Variants in SEPTIN5 observed in about 807,000 individuals in gnomAD.
SEPTIN5 encodes the protein septin-5.
Under a neutral mutation model 51.2 loss-of-function variants are expected in SEPTIN5, and 16 were observed. The observed-to-expected ratio is 0.31, with a 90% CI of 0.21 to 0.47. SEPTIN5 has a LOEUF of 0.47. Ranked by LOEUF, SEPTIN5 falls within the 20% of genes least tolerant of loss-of-function variation. SEPTIN5 has a pLI of 0.99. For missense variants in SEPTIN5, 376 were observed against 500.3 expected (o/e 0.75, Z 2.37); for synonymous variants, 208 against 191.2 (o/e 1.09, Z -0.72).
intron 2 of SEPTIN5, among the ~76,000 whole-genome samples, chr22:19,716,997 C>G (rs974655721): frequency 6.6e-6 from 1 of 152,192 alleles, no homozygotes; most frequent in African/African-American, 2.4e-5. Context: ...GAGGGATGCA[C>G]TGGTAGAGCT....
chr22:19,716,547 G>T (rs986475918), intron 2 of SEPTIN5, among the ~76,000 whole-genome samples: 1 of 152,234 alleles, frequency 6.6e-6, no homozygotes, highest in African/African-American at 2.4e-5. Context: ...GAAGCCCTGG[G>T]AGTATCTTTT....
chr22:19,718,889 G>C (rs1026352818), intron 2 of SEPTIN5: 2 of 1,220,472 alleles, frequency 1.6e-6, no homozygotes, highest in African/African-American at 1.6e-5. Context: ...TGGGGTCCCC[G>C]TCCCCGCGCG....
chr22:19,719,793 T>A lies in SEPTIN5; in HGVS notation c.152-13T>A. ...CAGACCTAACGCAGCTCCTTCTCTG[T>A]ACCTGTGTGCAGGTGAGTCAGGCCT... On this transcript the variant is annotated splice_polypyrimidine_tract_variant and intron_variant, in intron 3 of 11. Coordinates refer to ENST00000455784, the MANE Select transcript of SEPTIN5 (RefSeq NM_002688.6). 6.2e-7 allele frequency: 1 copy of A among 1,612,582 alleles called. No homozygotes were observed. The highest frequency in any genetic ancestry group is 8.5e-7 in the Non-Finnish European group (1 of 1,179,606).
In SEPTIN5 at chr22:19,719,869, A is replaced by T; in HGVS notation, c.215A>T (p.Asp72Val). The T allele has an allele frequency of 6.2e-7, 1 of 1,612,974 alleles. No homozygotes were observed. The highest frequency in any genetic ancestry group is 8.5e-7 in the Non-Finnish European group (1 of 1,179,926). Reference protein sequence around the residue: ...HSLFLTDLYKDRKLLSAEERI... With the variant: ...HSLFLTDLYKVRKLLSAEERI... ...CTCTTCCTGACAGACTTGTACAAGG[A>T]CCGGAAGCTGCTCAGTGCTGAGGGT... is the stretch of plus-strand genomic sequence containing the variant. Residue 72 changes from aspartate (D) to valine (V), a missense_variant, in exon 4 of 12, where the codon GAC (aspartate) becomes GTC (valine). Transcript: ENST00000455784.
In SEPTIN5 at chr22:19,722,345, T is replaced by TGGGGAGGCG; in HGVS notation, c.1053+10_1053+11insAGGCGGGGG. On this transcript the variant is annotated splice_region_variant and intron_variant, in intron 11 of 11. Transcript: ENST00000455784. Reference sequence around the variant, plus strand: ...TCAGGATGAAGGATGAGGAAGTATGTGGGGCGGCGGGGGCGGCGGAGGCGG... The same window carrying TGGGGAGGCG: ...TCAGGATGAAGGATGAGGAAGTATGTGGGGAGGCGGGGGCGGCGGGGGCGGCGGAGGCGG... 1 of 1,607,092 alleles carries TGGGGAGGCG rather than the reference T, an allele frequency of 6.2e-7. No individual in the cohort carries two copies. The highest frequency in any genetic ancestry group is 8.5e-7 in the Non-Finnish European group (1 of 1,177,172).
chr22:19,721,573 C>T lies in SEPTIN5; in HGVS notation c.718-67C>T, dbSNP rs539378693. 179 of 1,547,940 alleles carry T rather than the reference C, an allele frequency of 1.2e-4. 5 individuals carry two copies. In the Admixed American group the frequency reaches 3.0e-3, roughly 26 times the overall value. On this transcript the variant is annotated intron_variant, in intron 8 of 11. Coordinates refer to ENST00000455784, the MANE Select transcript of SEPTIN5 (RefSeq NM_002688.6). ...GAGGGGTGCCCCGGGAGTTACATGCCCGTTTCCCATCAGTAACCGTGCAAT... is the reference window on the plus strand; with the variant it reads ...GAGGGGTGCCCCGGGAGTTACATGCTCGTTTCCCATCAGTAACCGTGCAAT...
intron 2 of SEPTIN5, chr22:19,717,257 C>T (rs771194015): frequency 2.1e-6 from 1 of 469,546 alleles, no homozygotes; most frequent in Middle Eastern, 3.3e-4. Flanking sequence ...CCAGTCCTAC[C>T]CTGGAACCTT....
intron 2 of SEPTIN5, 91 bp from the exon 3 acceptor site, chr22:19,719,511 G>A: frequency 9.6e-7 from 1 of 1,038,580 alleles, no homozygotes; most frequent in Non-Finnish European, 1.4e-6. Flanking sequence ...CGTACCCTCT[G>A]CTGTCTCCTC....
chr22:19,719,269 G>A (rs1050228104), intron 2 of SEPTIN5, among the ~76,000 whole-genome samples: 1 of 152,182 alleles, frequency 6.6e-6, no homozygotes, highest in African/African-American at 2.4e-5. Flanking sequence ...GTGTGTCCCA[G>A]GGGTCCCAAT....
intron 2 of SEPTIN5, chr22:19,719,362 C>G: frequency 3.9e-6 from 2 of 518,924 alleles, no homozygotes; most frequent in Non-Finnish European, 3.5e-6. Flanking sequence ...AATACAGTGT[C>G]GGTCCCTGCA....
Position 19,722,750 on chromosome 22 carries a change from C to G in SEPTIN5, c.*266C>G. On this transcript the variant is annotated 3_prime_UTR_variant, in exon 12 of 12. Coordinates refer to ENST00000455784, the MANE Select transcript of SEPTIN5 (RefSeq NM_002688.6). The stretch of plus-strand genomic sequence containing the variant: ...TCCGCCTCCCTTGCCCTTCCCCCGC[C>G]CCCGGACGGTCACAGCACCCAAACC... The G allele has an allele frequency of 3.6e-6, 2 of 553,740 alleles. No individual in the cohort carries two copies. The highest frequency in any genetic ancestry group is 3.1e-5 in the East Asian group (1 of 32,698). The allele number at this position is 553,740 out of a possible 1,614,324, so 34.3% of individuals were successfully genotyped here. A position where few individuals can be genotyped will look rare whatever the true frequency, so the allele number is the denominator to read the frequency against.
At position 19,722,359 on chromosome 22, in the gene SEPTIN5, C is replaced by T. The variant is rs1292267917; in HGVS notation, c.1053+20C>T. On this transcript the variant is annotated intron_variant, in intron 11 of 11. Transcript: ENST00000455784. ...GAGGAAGTATGTGGGGCGGCGGGGGCGGCGGAGGCGGGCGTCAGGGATGCT... is the reference window on the plus strand; with the variant it reads ...GAGGAAGTATGTGGGGCGGCGGGGGTGGCGGAGGCGGGCGTCAGGGATGCT... 3.1e-6 allele frequency: 5 copies of T among 1,598,866 alleles called. No homozygotes were observed. The highest frequency in any genetic ancestry group is 1.7e-5 in the Admixed American group (1 of 58,424).
rs1253845004 is a variant in SEPTIN5 at position 19,720,381 on chromosome 22, G to A, written c.424G>A (p.Gly142Ser). 9.3e-6 allele frequency: 15 copies of A among 1,613,848 alleles called. No homozygotes were observed. The highest frequency in any genetic ancestry group is 1.7e-5 in the Admixed American group (1 of 59,994). The change falls in exon 6 of 12, where the codon GGC becomes AGC. Residue 142 changes from glycine (G) to serine (S), a missense_variant. Gly to Ser is a moderately conservative substitution (Grantham distance 56, BLOSUM62 0). Around this residue, in one of 2 missense-constraint regions of SEPTIN5, gnomAD observed 287 missense variants for 417.1 expected, o/e 0.69. Transcript: ENST00000455784. ...QFEQYFRDES[G>S]LNRKNIQDNR... ...TGAGCAGTACTTCCGTGATGAGAGC[G>A]GCCTCAACCGAAAGAACATCCAAGA...
At chr22:19,722,387 T>G (rs776620669) in intron 11 of SEPTIN5, 41 bp from the exon 12 acceptor site, 4 of 1,592,040 alleles carry the variant, frequency 2.5e-6, no homozygotes, top group East Asian at 2.3e-5. Flanking sequence ...GGGATGCTCC[T>G]CCGCGGTGCT....
intron 4 of SEPTIN5, 110 bp downstream of exon 4, chr22:19,720,002 G>C: frequency 1.4e-5 from 22 of 1,600,612 alleles, no homozygotes; most frequent in Non-Finnish European, 1.9e-5. Flanking sequence ...TCGCGGTGTG[G>C]GTCCCCTGGG....
At chr22:19,721,597 A>C in intron 8 of SEPTIN5, 43 bp from the exon 9 acceptor site, 1 of 1,606,364 alleles carries the variant, frequency 6.2e-7, no homozygotes, top group South Asian at 1.1e-5. Context: ...TAACCGTGCA[A>C]TTACGCTCAC....
intron 2 of SEPTIN5, chr22:19,718,346 T>G (rs1601239477): frequency 3.1e-6 from 3 of 967,588 alleles, no homozygotes; most frequent in Non-Finnish European, 3.7e-6. Context: ...CGCTTTCGGG[T>G]GGCTCCGCCC....
intron 2 of SEPTIN5, chr22:19,718,777 C>T: frequency 8.1e-7 from 1 of 1,236,782 alleles, no homozygotes; most frequent in Non-Finnish European, 1.0e-6. Flanking sequence ...CCTGGTGGAG[C>T]AGCTGCTGTC....
At position 19,720,111 on chromosome 22, in the gene SEPTIN5, G is replaced by A. The variant is rs759458738; in HGVS notation, c.239-4G>A. On this transcript the variant is annotated splice_region_variant and splice_polypyrimidine_tract_variant and intron_variant, in intron 4 of 11. Coordinates refer to ENST00000455784, the MANE Select transcript of SEPTIN5 (RefSeq NM_002688.6). ...AGGCCCTTCCAGTGGCCCCTTCCCC[G>A]TAGAGCGCATCAGCCAGACGGTAGA... 105 of 1,612,900 alleles carry A rather than the reference G, an allele frequency of 6.5e-5. No homozygotes were observed. Among genetic ancestry groups the A allele is most frequent in the South Asian group, 5.8e-4 (53 of 91,094 alleles).
Sources: gnomAD v4.1 joint callset for allele counts (sites outside exome capture counted in the v4.1 genomes callset) on GRCh38, gnomAD v4.1.1 for gene constraint, gnomAD v4.1.1 regional missense constraint, MANE v1.5 for transcripts, NCBI Gene and HGNC (gene_info 2026-07-23, HGNC 2026-07-21) for gene names.